The following ATP1B1 variants were observed in gnomAD, a reference collection of about 807,000 sequenced individuals.
The protein encoded by ATP1B1 is ATPase Na+/K+ transporting subunit beta 1.
ATP1B1 carries 3 observed loss-of-function variants against 39.6 expected under a neutral mutation model. The observed-to-expected ratio is 0.08, with a 90% CI of 0.03 to 0.20. The LOEUF (loss-of-function observed/expected upper bound fraction) is 0.20, where lower values mean the gene tolerates loss of function less well. Ranked by LOEUF, ATP1B1 falls within the 10% of genes least tolerant of loss-of-function variation. ATP1B1 has a pLI of 1.00. For synonymous variants in ATP1B1, 139 were observed against 135.0 expected (o/e 1.03, Z -0.20); for missense variants, 216 against 371.1 (o/e 0.58, Z 3.43).
At chr1:169,123,574 T>C in intron 2 of ATP1B1, among the ~76,000 whole-genome samples, 1 of 88,566 alleles carries the variant, frequency 1.1e-5, no homozygotes, top group African/African-American at 3.6e-5. Context: ...AGTTAAACTA[T>C]ATCTCTCTCT....
chr1:169,117,213 C>T (rs931257216), intron 2 of ATP1B1, among the ~76,000 whole-genome samples: 2 of 152,180 alleles, frequency 1.3e-5, no homozygotes, highest in Non-Finnish European at 2.9e-5. Context: ...CCTCCCTTCC[C>T]ACCCTCAAAT....
chr1:169,124,531 G>A (rs992234031), intron 2 of ATP1B1, among the ~76,000 whole-genome samples: 9 of 152,194 alleles, frequency 5.9e-5, no homozygotes, highest in Non-Finnish European at 1.5e-5. Context: ...AACATAATGG[G>A]CTTTGGAGTA....
In ATP1B1 at chr1:169,131,601, A is replaced by AAGAT. The variant is rs1282426683; in HGVS notation, c.*48_*51dup. ...CACTAGCCATTTAATAAGTTAAAAA[A>AAGAT]AGATACAAAAACAAAAACCTACTAG... On this transcript the variant is annotated 3_prime_UTR_variant, in exon 6 of 6. Coordinates refer to ENST00000367815, the MANE Select transcript of ATP1B1 (RefSeq NM_001677.4). This position sits in a 1 kb window ranked among gnomAD's most constrained non-coding sequence, Gnocchi z 4.4. The AAGAT allele has an allele frequency of 2.6e-6, 4 of 1,563,728 alleles. No individual in the cohort carries two copies. The Admixed American group carries it at 7.9e-5, about 31-fold the overall frequency.
At chr1:169,106,973 CG>C in intron 1 of ATP1B1, 47 bp downstream of exon 1, 1 of 1,524,892 alleles carries the variant, frequency 6.6e-7, no homozygotes, top group Non-Finnish European at 8.8e-7. Context: ...TGATCTTTCC[CG>C]GGCGGCGCAT....
At chr1:169,115,209 G>A (rs1200145) in intron 2 of ATP1B1, among the ~76,000 whole-genome samples, 25,707 of 120,682 alleles carry the variant, frequency 0.21, 2,588 homozygotes, top group African/African-American at 0.28. Context: ...AGAAAAAAAA[G>A]GGGGGTGGGG....
Position 169,119,542 on chromosome 1 carries a change from T to G in ATP1B1, c.227-5342T>G, listed in dbSNP as rs1657928093. 4.6e-5 allele frequency among the ~76,000 whole-genome samples: 7 copies of G among 152,100 alleles called. 1 individual carries two copies. The South Asian group carries it at 1.4e-3, about 31-fold the overall frequency. On this transcript the variant is annotated intron_variant, in intron 2 of 5. Transcript: ENST00000367815. ...ACTAACAACTTTAAGAAGTGGGCAG[T>G]AGAAAGAGGGGCATGATGGGAGAAA...
chr1:169,122,888 G>T (rs1658010664), intron 2 of ATP1B1, among the ~76,000 whole-genome samples: 1 of 151,840 alleles, frequency 6.6e-6, no homozygotes, highest in African/African-American at 2.4e-5. Context: ...ACTGCACCTG[G>T]CCTGAAGATG....
intron 2 of ATP1B1, among the ~76,000 whole-genome samples, chr1:169,120,173 A>G (rs577445333): frequency 6.6e-6 from 1 of 152,258 alleles, no homozygotes; most frequent in East Asian, 1.9e-4. Flanking sequence ...CCTTGTGGAA[A>G]TGTGAGGAAA....
chr1:169,113,746 T>C (rs572793333), intron 2 of ATP1B1, among the ~76,000 whole-genome samples: 2 of 152,326 alleles, frequency 1.3e-5, no homozygotes, highest in East Asian at 1.9e-4. Flanking sequence ...TGGACTGACC[T>C]GACAAACCCT....
intron 4 of ATP1B1, among the ~76,000 whole-genome samples, chr1:169,127,796 A>G (rs1658119724): frequency 6.6e-6 from 1 of 152,102 alleles, no homozygotes; most frequent in South Asian, 2.1e-4. Context: ...TTTTTACTTC[A>G]TAAAGAATGG....
At chr1:169,120,006 GAGA>G (rs1413837394) in intron 2 of ATP1B1, among the ~76,000 whole-genome samples, 1 of 151,868 alleles carries the variant, frequency 6.6e-6, no homozygotes, top group African/African-American at 2.4e-5. Flanking sequence ...CTAATCTTTG[GAGA>G]AGACCTCATC....
At chr1:169,127,149 G>A in intron 3 of ATP1B1, 75 bp from the exon 4 acceptor site, 1 of 1,442,408 alleles carries the variant, frequency 6.9e-7, no homozygotes, top group Non-Finnish European at 9.2e-7. Context: ...ACTATGACAA[G>A]GAAGACAGTT....
Position 169,124,868 on chromosome 1 carries a change from T to C in ATP1B1, c.227-16T>C, listed in dbSNP as rs761696878. Reference sequence around the variant, plus strand: ...TTCTGCCTTCCTACTAATGTTTTTCTCTCTGCCTGGTCTAGGATTAACACA... The same window carrying C: ...TTCTGCCTTCCTACTAATGTTTTTCCCTCTGCCTGGTCTAGGATTAACACA... On this transcript the variant is annotated splice_polypyrimidine_tract_variant and intron_variant, in intron 2 of 5. Coordinates refer to ENST00000367815, the MANE Select transcript of ATP1B1 (RefSeq NM_001677.4). 6.2e-7 allele frequency: 1 copy of C among 1,608,608 alleles called. No homozygotes were observed. Among genetic ancestry groups the C allele is most frequent in the East Asian group, 2.2e-5 (1 of 44,816 alleles).
chr1:169,108,602 CA>C (rs1339964350), intron 1 of ATP1B1, among the ~76,000 whole-genome samples: 1 of 152,102 alleles, frequency 6.6e-6, no homozygotes, highest in Non-Finnish European at 1.5e-5. Flanking sequence ...TTGCTCATTC[CA>C]GTTTCATGCT....
intron 1 of ATP1B1, chr1:169,110,591 T>TTTTTTTG: frequency 8.7e-7 from 1 of 1,149,818 alleles, no homozygotes; most frequent in Non-Finnish European, 1.1e-6. Context: ...TTTTTTGCTT[T>TTTTTTTG]TGCAGCTATT....
Position 169,121,117 on chromosome 1 carries a change from T to C in ATP1B1, c.227-3767T>C, listed in dbSNP as rs140488720. 1.3e-3 allele frequency among the ~76,000 whole-genome samples: 196 copies of C among 152,134 alleles called. 2 individuals are homozygous for C. The East Asian group carries it at 0.016, about 12-fold the overall frequency. On this transcript the variant is annotated intron_variant, in intron 2 of 5. Coordinates refer to ENST00000367815, the MANE Select transcript of ATP1B1 (RefSeq NM_001677.4). ...CATGTGCTACTATGCCTGGCTAATT[T>C]TGTGTTTTTAGTAGAGATGGGGTTT...
At chr1:169,115,229 C>T (rs1200146) in intron 2 of ATP1B1, among the ~76,000 whole-genome samples, 26,261 of 149,774 alleles carry the variant, frequency 0.18, 2,648 homozygotes, top group African/African-American at 0.28. Flanking sequence ...GAATCATATG[C>T]TCTGTGAGAA....
chr1:169,129,129 C>A lies in ATP1B1; in HGVS notation c.568-881C>A, dbSNP rs537385379. 4.6e-5 allele frequency among the ~76,000 whole-genome samples: 7 copies of A among 152,302 alleles called. No homozygotes were observed. In the South Asian group the frequency reaches 1.5e-3, roughly 32 times the overall value. ...TCCCAAAGAGTCAAATCTAGACGAT[C>A]ATTTTCTTGCATCCAAAACAGAGTA... On this transcript the variant is annotated intron_variant, in intron 4 of 5. Transcript: ENST00000367815.
intron 2 of ATP1B1, among the ~76,000 whole-genome samples, chr1:169,118,686 TGTGA>T (rs1229983760): frequency 2.0e-5 from 3 of 152,220 alleles, no homozygotes; most frequent in Admixed American, 6.5e-5. Context: ...TACATATACG[TGTGA>T]GTATGTATGA....
Sources: allele counts gnomAD v4.1 joint callset (sites outside exome capture counted in the v4.1 genomes callset), GRCh38; gene constraint gnomAD v4.1.1; non-coding constraint Gnocchi (gnomAD v3.1); transcripts MANE v1.5; gene names NCBI Gene and HGNC (gene_info 2026-07-23, HGNC 2026-07-21).